CDK14: variants seen among roughly 807,000 people sequenced by gnomAD.
CDK14 encodes the protein cyclin-dependent kinase 14.
A neutral mutation model predicts 60.7 loss-of-function variants in CDK14; 34 were observed. The observed-to-expected ratio is 0.56, with a 90% CI of 0.43 to 0.75. CDK14 has a LOEUF of 0.75. Among genes scored for constraint, CDK14 ranks in the 30% least tolerant of loss-of-function variants. The pLI, the probability that CDK14 is intolerant of heterozygous loss-of-function variation, is 0.00. For synonymous variants in CDK14, 197 were observed against 203.7 expected, an observed-to-expected ratio of 0.97 and a Z score of 0.28; for missense variants, 482 against 564.1, an observed-to-expected ratio of 0.85 and a Z score of 1.47.
At chr7:90,668,696 ATTC>A (rs1488387220) in intron 2 of CDK14, among the ~76,000 whole-genome samples, 102 of 68,430 alleles carry the variant, frequency 1.5e-3, no homozygotes, top group Non-Finnish European at 2.3e-3. Context: ...AAGGACTCGC[ATTC>A]TTTTTTTTTT....
intron 2 of CDK14, among the ~76,000 whole-genome samples, chr7:90,642,796 C>T (rs1800369624): frequency 6.6e-6 from 1 of 152,052 alleles, no homozygotes; most frequent in South Asian, 2.1e-4. Context: ...ATTTGTTCCA[C>T]AGTAAACGTT....
intron 2 of CDK14, among the ~76,000 whole-genome samples, chr7:90,707,209 T>C (rs1801917192): frequency 1.3e-5 from 2 of 152,146 alleles, no homozygotes; most frequent in Admixed American, 6.5e-5. Flanking sequence ...CCTCTTTTCC[T>C]CAAGCTTGTA....
chr7:91,198,300 T>G (rs1802615978), intron 14 of CDK14, among the ~76,000 whole-genome samples: 1 of 152,158 alleles, frequency 6.6e-6, no homozygotes, highest in South Asian at 2.1e-4. Context: ...TTCAAATATA[T>G]TGAACTTGAT....
At chr7:91,060,004 G>A (rs1240362789) in intron 11 of CDK14, among the ~76,000 whole-genome samples, 1 of 152,104 alleles carries the variant, frequency 6.6e-6, no homozygotes, top group Admixed American at 6.5e-5. Context: ...TGAAAGTCGG[G>A]TGCTAAAGTC....
intron 10 of CDK14, among the ~76,000 whole-genome samples, chr7:91,013,095 A>C (rs1439434789): frequency 6.6e-6 from 1 of 152,222 alleles, no homozygotes; most frequent in African/African-American, 2.4e-5. Flanking sequence ...GATCAAAGCC[A>C]GTGGGAGAGG....
At position 90,886,000 on chromosome 7, in the gene CDK14, C is replaced by T. The variant is rs1030789483; in HGVS notation, c.640-13291C>T. On this transcript the variant is annotated intron_variant, in intron 6 of 14. Transcript: ENST00000380050. ...CATATACCTATGCAACAAACCTGCA[C>T]ATTCTGCACATATATCTCGTTTTTC... 2.0e-5 allele frequency among the ~76,000 whole-genome samples: 3 copies of T among 152,218 alleles called. No individual in the cohort carries two copies. In the East Asian group the frequency reaches 5.8e-4, roughly 29 times the overall value.
At chr7:91,061,124 T>A (rs1797771386) in intron 11 of CDK14, among the ~76,000 whole-genome samples, 1 of 152,182 alleles carries the variant, frequency 6.6e-6, no homozygotes, top group Admixed American at 6.5e-5. Flanking sequence ...TCTCTAAACT[T>A]CTCTTCTTGC....
chr7:90,902,538 A>G (rs1262757811), intron 7 of CDK14, among the ~76,000 whole-genome samples: 1 of 152,126 alleles, frequency 6.6e-6, no homozygotes, highest in Non-Finnish European at 1.5e-5. Flanking sequence ...GGTGCTGGAA[A>G]AACTGGAAAT....
intron 2 of CDK14, among the ~76,000 whole-genome samples, chr7:90,705,122 TTTTC>T (rs1313830194): frequency 6.6e-5 from 10 of 151,776 alleles, no homozygotes; most frequent in South Asian, 2.1e-4. Flanking sequence ...AAAATTTCTG[TTTTC>T]TTTATTACTT....
intron 2 of CDK14, among the ~76,000 whole-genome samples, chr7:90,645,257 G>A (rs904278244): frequency 6.6e-6 from 1 of 152,030 alleles, no homozygotes; most frequent in Non-Finnish European, 1.5e-5. Context: ...TTTTTTTCAG[G>A]TATTAATATT....
At position 90,669,009 on chromosome 7, in the gene CDK14, C is replaced by T. The variant is rs567978238; in HGVS notation, c.124-57558C>T. ...AGGATTACAGGCATGAGCCAGTGTGCCTGGCCTCACACACTTAAAAGTAGA... is the reference window on the plus strand; with the variant it reads ...AGGATTACAGGCATGAGCCAGTGTGTCTGGCCTCACACACTTAAAAGTAGA... On this transcript the variant is annotated intron_variant, in intron 2 of 14. Coordinates refer to ENST00000380050, the MANE Select transcript of CDK14 (RefSeq NM_001287135.2). 2.1e-4 allele frequency among the ~76,000 whole-genome samples: 32 copies of T among 152,132 alleles called. No individual in the cohort carries two copies. In the South Asian group the frequency reaches 5.4e-3, roughly 26 times the overall value.
intron 5 of CDK14, among the ~76,000 whole-genome samples, chr7:90,807,506 A>G (rs947803448): frequency 6.6e-6 from 1 of 152,194 alleles, no homozygotes; most frequent in African/African-American, 2.4e-5. Flanking sequence ...TAAAACCACA[A>G]AGATGGGGAA....
chr7:90,795,010 GT>G (rs1195143939), intron 5 of CDK14, among the ~76,000 whole-genome samples: 1 of 152,144 alleles, frequency 6.6e-6, no homozygotes. Flanking sequence ...TCCTGCAACA[GT>G]TGTCTCATGT....
chr7:90,993,046 G>A (rs1795584246), intron 10 of CDK14, among the ~76,000 whole-genome samples: 1 of 152,150 alleles, frequency 6.6e-6, no homozygotes, highest in Admixed American at 6.6e-5. Context: ...TCAGAAGGGA[G>A]AAGGGAGGAA....
At chr7:90,667,006 TCTAA>T (rs770979010) in intron 2 of CDK14, among the ~76,000 whole-genome samples, 3 of 152,232 alleles carry the variant, frequency 2.0e-5, no homozygotes, top group African/African-American at 4.8e-5. Flanking sequence ...TTCTTTATCA[TCTAA>T]CTTTTTCTTG....
At chr7:90,821,339 T>A (rs10236447) in intron 5 of CDK14, among the ~76,000 whole-genome samples, 139,093 of 152,292 alleles carry the variant, frequency 0.91, 63,646 homozygotes, top group East Asian at 1. Context: ...CCAAGCTGGG[T>A]TGAGTTTTTA....
chr7:91,192,111 A>T (rs1414168286), intron 14 of CDK14, among the ~76,000 whole-genome samples: 1 of 152,142 alleles, frequency 6.6e-6, no homozygotes, highest in Non-Finnish European at 1.5e-5. Flanking sequence ...CCTAGCAAGG[A>T]AGGCACAAGT....
intron 2 of CDK14, among the ~76,000 whole-genome samples, chr7:90,659,127 C>A (rs976943352): frequency 6.6e-6 from 1 of 152,280 alleles, no homozygotes; most frequent in East Asian, 1.9e-4. Context: ...CCTCTTATGT[C>A]TTTCTTCTTA....
intron 4 of CDK14, among the ~76,000 whole-genome samples, chr7:90,761,739 A>G (rs149644969): frequency 1.9e-3 from 290 of 152,298 alleles, no homozygotes; most frequent in Middle Eastern, 6.8e-3. Flanking sequence ...GCAACAAAGA[A>G]TTATTTGGCC....
Sources: gnomAD v4.1 joint callset for allele counts (sites outside exome capture counted in the v4.1 genomes callset) on GRCh38, gnomAD v4.1.1 for gene constraint, MANE v1.5 for transcripts, NCBI Gene and HGNC (gene_info 2026-07-23, HGNC 2026-07-21) for gene names.